Variants in DLGAP2 observed in about 807,000 individuals in gnomAD.
The protein encoded by DLGAP2 is disks large-associated protein 2.
In DLGAP2, 26 loss-of-function variants were observed where a neutral mutation model predicts 100.3. The ratio of observed to expected loss-of-function variants is 0.26; its 90% CI spans 0.19 to 0.36. The LOEUF (loss-of-function observed/expected upper bound fraction) is 0.36, where lower values mean the gene tolerates loss of function less well. Among genes scored for constraint, DLGAP2 ranks in the 10% least tolerant of loss-of-function variants. DLGAP2 has a pLI of 1.00. For synonymous variants in DLGAP2, 886 were observed against 630.1 expected (o/e 1.41, Z -6.08); for missense variants, 1,858 against 1,453.2 (o/e 1.28, Z -4.53).
chr8:1,011,720 A>G (rs1296602093), intron 2 of DLGAP2, among the ~76,000 whole-genome samples: 1 of 144,710 alleles, frequency 6.9e-6, no homozygotes, highest in Non-Finnish European at 1.5e-5. Flanking sequence ...CAGTCTACAC[A>G]GTGAGCCCTG....
chr8:1,143,795 G>T (rs575623702), intron 2 of DLGAP2, among the ~76,000 whole-genome samples: 3 of 152,202 alleles, frequency 2.0e-5, no homozygotes, highest in Admixed American at 6.5e-5. Flanking sequence ...TGCAGGCATT[G>T]TTGCTTTCCC....
chr8:1,321,679 C>A (rs1284481535), intron 3 of DLGAP2, among the ~76,000 whole-genome samples: 1 of 152,198 alleles, frequency 6.6e-6, no homozygotes, highest in Non-Finnish European at 1.5e-5. Context: ...TGTTTAAAAT[C>A]ACATGCATAG....
intron 2 of DLGAP2, among the ~76,000 whole-genome samples, chr8:1,210,006 C>T (rs555008697): frequency 1.3e-5 from 2 of 152,310 alleles, no homozygotes; most frequent in African/African-American, 4.8e-5. Context: ...CTCCAGGATT[C>T]AGTGTCAGTC....
chr8:1,678,300 C>A lies in DLGAP2; in HGVS notation c.2375C>A (p.Thr792Lys). 1.2e-6 allele frequency: 2 copies of A among 1,614,014 alleles called. No individual in the cohort carries two copies. The highest frequency in any genetic ancestry group is 1.7e-6 in the Non-Finnish European group (2 of 1,179,888). ...ELEGFPGHIT[T>K]EDKGLQFGSS... ...GAGGGGTTCCCAGGCCACATCACCA[C>A]GGAGGACAAAGGCCTTCAGTTCGGC... Residue 792 changes from threonine (T) to lysine (K), a missense_variant, in exon 12 of 15, where the codon ACG (threonine) becomes AAG (lysine). Transcript: ENST00000637795.
At chr8:1,154,267 G>C (rs1173721830) in intron 2 of DLGAP2, among the ~76,000 whole-genome samples, 2 of 152,158 alleles carry the variant, frequency 1.3e-5, no homozygotes, top group Non-Finnish European at 2.9e-5. Context: ...ACTAATGTCA[G>C]GTTTGAAGAG....
chr8:1,403,876 T>A (rs1336879333), intron 3 of DLGAP2, among the ~76,000 whole-genome samples: 2 of 4,418 alleles, frequency 4.5e-4, no homozygotes, highest in Admixed American at 1.5e-3. Context: ...CTCATCCTCC[T>A]GAGTCGTGTA....
chr8:1,503,304 C>T (rs1442325384), intron 4 of DLGAP2, among the ~76,000 whole-genome samples: 1 of 152,206 alleles, frequency 6.6e-6, no homozygotes, highest in African/African-American at 2.4e-5. Context: ...CTCCCCAGCC[C>T]TGGAACCCCC....
At chr8:1,038,418 CAAG>C in intron 2 of DLGAP2, among the ~76,000 whole-genome samples, 1 of 152,140 alleles carries the variant, frequency 6.6e-6, no homozygotes, top group Non-Finnish European at 1.5e-5. Context: ...GTCCAGGAAA[CAAG>C]AAAAACACCT....
intron 2 of DLGAP2, among the ~76,000 whole-genome samples, chr8:1,022,240 C>G (rs1017751813): frequency 1.2e-4 from 18 of 150,912 alleles, no homozygotes; most frequent in Non-Finnish European, 2.7e-4. Flanking sequence ...CCGAGGTAGA[C>G]ACTCCAGCCG....
chr8:1,423,537 T>C (rs1045231279), intron 3 of DLGAP2, among the ~76,000 whole-genome samples: 5 of 152,252 alleles, frequency 3.3e-5, no homozygotes, highest in African/African-American at 1.2e-4. Context: ...CTAGGCTTAA[T>C]ACTCCTGAAG....
rs112496110 is a variant in DLGAP2, at chr8:1,417,651, C to G, written c.107-83715C>G. ...CGCCTCCAGGGGGGCACGGGGAGCC[C>G]CACTCCTGCCTCACTCCGCGAGGCT... On this transcript the variant is annotated intron_variant, in intron 3 of 14. Transcript: ENST00000637795. Among the ~76,000 whole-genome samples, 2 of 62,780 alleles carry G rather than the reference C, an allele frequency of 3.2e-5. 1 individual carries two copies. Among genetic ancestry groups the G allele is most frequent in the Non-Finnish European group, 7.2e-5 (2 of 27,870 alleles). 41.2% of individuals were successfully genotyped at this position (62,780 alleles called of 152,430 possible).
intron 2 of DLGAP2, among the ~76,000 whole-genome samples, chr8:1,027,746 C>T (rs1272274743): frequency 2.7e-5 from 3 of 112,814 alleles, no homozygotes; most frequent in Admixed American, 8.9e-5. Flanking sequence ...GGGTGTCAGG[C>T]GCCCGTTATT....
chr8:1,342,784 G>C (rs1801447480), intron 3 of DLGAP2, among the ~76,000 whole-genome samples: 1 of 152,216 alleles, frequency 6.6e-6, no homozygotes, highest in Non-Finnish European at 1.5e-5. Context: ...GTGCCGGAAA[G>C]ACTCATGTGG....
chr8:815,080 A>G (rs1796451775), intron 1 of DLGAP2, among the ~76,000 whole-genome samples: 1 of 152,170 alleles, frequency 6.6e-6, no homozygotes, highest in Non-Finnish European at 1.5e-5. Flanking sequence ...CTAAAGAAGG[A>G]GGTAATAGAA....
At chr8:1,411,840 C>A (rs1274798020) in intron 3 of DLGAP2, among the ~76,000 whole-genome samples, 4 of 152,220 alleles carry the variant, frequency 2.6e-5, no homozygotes, top group Non-Finnish European at 2.9e-5. Flanking sequence ...TCAGCTCTGC[C>A]CTCATGAGCC....
intron 1 of DLGAP2, among the ~76,000 whole-genome samples, chr8:769,744 G>A (rs1345353545): frequency 6.6e-6 from 1 of 152,158 alleles, no homozygotes; most frequent in African/African-American, 2.4e-5. Context: ...AGGGACACGA[G>A]CCTCTTGCGT....
chr8:1,699,771 C>T (rs1213116507), intron 14 of DLGAP2, among the ~76,000 whole-genome samples: 4 of 152,192 alleles, frequency 2.6e-5, no homozygotes, highest in Non-Finnish European at 1.5e-5. Flanking sequence ...CTGGGATGGG[C>T]CCTGCACAGC....
chr8:1,534,278 C>G (rs1291553630), intron 4 of DLGAP2, among the ~76,000 whole-genome samples: 1 of 152,190 alleles, frequency 6.6e-6, no homozygotes, highest in African/African-American at 2.4e-5. Context: ...GGCAAATTTT[C>G]TAGCACAGAA....
At chr8:999,434 T>C (rs1800877873) in intron 2 of DLGAP2, among the ~76,000 whole-genome samples, 1 of 152,044 alleles carries the variant, frequency 6.6e-6, no homozygotes, top group South Asian at 2.1e-4. Flanking sequence ...TTTGTTTTGA[T>C]AGTTGCTGTC....
Sources: allele counts gnomAD v4.1 joint callset (sites outside exome capture counted in the v4.1 genomes callset), GRCh38; gene constraint gnomAD v4.1.1; transcripts MANE v1.5; gene names NCBI Gene and HGNC (gene_info 2026-07-23, HGNC 2026-07-21).